The following MEGF11 variants were observed in gnomAD, a reference collection of about 807,000 sequenced individuals.
MEGF11 encodes the protein multiple epidermal growth factor-like domains protein 11.
A neutral mutation model predicts 146.6 loss-of-function variants in MEGF11; 126 were observed. That is an observed-to-expected ratio of 0.86 (90% CI 0.74 to 1.00). The LOEUF (loss-of-function observed/expected upper bound fraction) is 1.00, where lower values mean the gene tolerates loss of function less well. Ranked by LOEUF, MEGF11 falls within the 50% of genes least tolerant of loss-of-function variation. MEGF11 has a pLI of 0.00. For synonymous variants in MEGF11, 532 were observed against 583.4 expected, an observed-to-expected ratio of 0.91 and a Z score of 1.27; for missense variants, 1,509 against 1,521.2, an observed-to-expected ratio of 0.99 and a Z score of 0.13.
chr15:66,108,767 CCAA>C (rs1329148320), intron 4 of MEGF11, among the ~76,000 whole-genome samples: 2 of 152,088 alleles, frequency 1.3e-5, no homozygotes, highest in Non-Finnish European at 2.9e-5. Flanking sequence ...CAGCTAACGC[CCAA>C]CAAGGACCAG....
intron 5 of MEGF11, among the ~76,000 whole-genome samples, chr15:66,041,969 C>T: frequency 6.6e-6 from 1 of 152,174 alleles, no homozygotes; most frequent in East Asian, 1.9e-4. Context: ...GACCCTTAAG[C>T]AGCTTTTCTG....
At chr15:66,135,684 A>T (rs1039426958) in intron 1 of MEGF11, among the ~76,000 whole-genome samples, 8 of 151,828 alleles carry the variant, frequency 5.3e-5, no homozygotes, top group Admixed American at 2.6e-4. Flanking sequence ...CTCTGGATCC[A>T]CTCTTGATCA....
At chr15:66,042,858 C>A (rs938435870) in intron 5 of MEGF11, among the ~76,000 whole-genome samples, 1 of 152,046 alleles carries the variant, frequency 6.6e-6, no homozygotes, top group Non-Finnish European at 1.5e-5. Flanking sequence ...CCAGTATGAC[C>A]TCATCTTAAT....
intron 1 of MEGF11, among the ~76,000 whole-genome samples, chr15:66,141,269 TGTGTGTGTGTGTGTGTGTGTGA>T (rs2089142082): frequency 2.8e-5 from 4 of 143,114 alleles, no homozygotes; most frequent in East Asian, 2.2e-4. Context: ...TGTGTGTGTG[TGTGTGTGTGTGTGTGTGTGTGA>T]GAGAGAGAGA....
chr15:66,004,872 C>T (rs2082475123), intron 5 of MEGF11, among the ~76,000 whole-genome samples: 1 of 152,144 alleles, frequency 6.6e-6, no homozygotes, highest in Non-Finnish European at 1.5e-5. Context: ...GAATTCCACC[C>T]CAATGAAATT....
At chr15:66,002,989 CT>C (rs144418381) in intron 5 of MEGF11, among the ~76,000 whole-genome samples, 1 of 109,446 alleles carries the variant, frequency 9.1e-6, no homozygotes, top group African/African-American at 3.2e-5. Context: ...TCTTTTCTTT[CT>C]TTTTTCTTTT....
intron 7 of MEGF11, among the ~76,000 whole-genome samples, chr15:65,977,778 G>T (rs1370387545): frequency 6.6e-6 from 1 of 151,902 alleles, no homozygotes; most frequent in Non-Finnish European, 1.5e-5. Context: ...GTGTGTGTAT[G>T]CATGTAGGCA....
chr15:65,963,612 CGGGG>C (rs2080948479), intron 9 of MEGF11, among the ~76,000 whole-genome samples: 1 of 152,184 alleles, frequency 6.6e-6, no homozygotes, highest in Non-Finnish European at 1.5e-5. Flanking sequence ...AGAAGGTGCT[CGGGG>C]TTTCCTCCTC....
In MEGF11 at chr15:65,970,534, C is replaced by G. The variant is rs759107811; in HGVS notation, c.899+19G>C. On this transcript the variant is annotated intron_variant, in intron 8 of 25. Coordinates refer to ENST00000395614, the MANE Select transcript of MEGF11 (RefSeq NM_001385028.1). ...TGAGTAAAATGGACAGCAAAGATAA[C>G]AGTTAACACTATCCTTACCTGTCCC... 2 of 1,611,710 alleles carry G rather than the reference C, an allele frequency of 1.2e-6. No homozygotes were observed. The highest frequency in any genetic ancestry group is 2.7e-5 in the African/African-American group (2 of 75,004).
chr15:66,144,283 C>T (rs1276638209), intron 1 of MEGF11, among the ~76,000 whole-genome samples: 2 of 152,200 alleles, frequency 1.3e-5, no homozygotes, highest in East Asian at 3.9e-4. Context: ...CAGGTGATTC[C>T]AATGAGCAGC....
chr15:65,976,348 C>T (rs913500984), intron 7 of MEGF11, among the ~76,000 whole-genome samples: 1 of 152,130 alleles, frequency 6.6e-6, no homozygotes, highest in Non-Finnish European at 1.5e-5. Flanking sequence ...GCCAACATTC[C>T]TATGCTGAAG....
chr15:65,998,824 A>T (rs2082275912), intron 5 of MEGF11, among the ~76,000 whole-genome samples: 1 of 152,028 alleles, frequency 6.6e-6, no homozygotes, highest in Non-Finnish European at 1.5e-5. Context: ...ATTTCTCATG[A>T]CCTCAGGCGT....
At chr15:65,908,104 C>T (rs1340439681) in intron 23 of MEGF11, among the ~76,000 whole-genome samples, 1 of 152,158 alleles carries the variant, frequency 6.6e-6, no homozygotes, top group African/African-American at 2.4e-5. Flanking sequence ...TCCAGGGGAC[C>T]CACAGCTAAT....
intron 1 of MEGF11, among the ~76,000 whole-genome samples, chr15:66,141,279 T>TGA (rs1464004454): frequency 5.2e-4 from 62 of 118,888 alleles, no homozygotes; most frequent in Middle Eastern, 8.0e-3. Flanking sequence ...TGTGTGTGTG[T>TGA]GTGTGTGTGT....
At chr15:66,143,205 T>C (rs1399318653) in intron 1 of MEGF11, among the ~76,000 whole-genome samples, 1 of 152,192 alleles carries the variant, frequency 6.6e-6, no homozygotes, top group African/African-American at 2.4e-5. Flanking sequence ...AAGACGGTGG[T>C]GGTGGGAAGA....
chr15:66,219,552 C>T (rs941244806), intron 1 of MEGF11, among the ~76,000 whole-genome samples: 5 of 152,158 alleles, frequency 3.3e-5, no homozygotes, highest in African/African-American at 1.2e-4. Context: ...AGTACAAACG[C>T]CACCACACCC....
intron 9 of MEGF11, among the ~76,000 whole-genome samples, chr15:65,962,867 T>A (rs536167074): frequency 1.2e-4 from 19 of 152,298 alleles, no homozygotes; most frequent in African/African-American, 4.1e-4. Context: ...TCTGAAGAAC[T>A]GCTACTCCCT....
Position 66,250,481 on chromosome 15 carries a change from T to C in MEGF11, c.-9+3124A>G, listed in dbSNP as rs138263122. ...CACAAGGTATGGGACTCCTCCTGTC[T>C]GATTCATTGCTGTATCCCAAGGGCC... On this transcript the variant is annotated intron_variant, in intron 1 of 25. Transcript: ENST00000395614. 2.7e-3 allele frequency among the ~76,000 whole-genome samples: 419 copies of C among 152,364 alleles called. 4 individuals are homozygous for C. The highest frequency in any genetic ancestry group is 0.022 in the South Asian group (106 of 4,826).
At chr15:65,925,683 C>A (rs2079348180) in intron 13 of MEGF11, among the ~76,000 whole-genome samples, 1 of 152,122 alleles carries the variant, frequency 6.6e-6, no homozygotes, top group East Asian at 1.9e-4. Flanking sequence ...AACCCCCTTG[C>A]TTTATTTTTC....
Sources: allele counts gnomAD v4.1 joint callset (sites outside exome capture counted in the v4.1 genomes callset), GRCh38; gene constraint gnomAD v4.1.1; transcripts MANE v1.5; gene names NCBI Gene and HGNC (gene_info 2026-07-23, HGNC 2026-07-21).